Variants in ITGB1 observed in about 807,000 individuals in gnomAD.
ITGB1 encodes integrin beta-1.
Under a neutral mutation model 86.5 loss-of-function variants are expected in ITGB1, and 24 were observed. That is an observed-to-expected ratio of 0.28 (90% CI 0.20 to 0.39). ITGB1 has a LOEUF of 0.39. ITGB1 is among the 10% of genes least tolerant of loss of function. The pLI is 1.00. For missense variants in ITGB1, 556 were observed against 946.9 expected, an observed-to-expected ratio of 0.59 and a Z score of 5.42; for synonymous variants, 323 against 316.8, an observed-to-expected ratio of 1.02 and a Z score of -0.21.
chr10:32,916,665 C>T (rs1251236728), intron 11 of ITGB1, among the ~76,000 whole-genome samples: 1 of 152,154 alleles, frequency 6.6e-6, no homozygotes, highest in African/African-American at 2.4e-5. Flanking sequence ...AGAAGAACTA[C>T]AAACCACTGC....
chr10:32,915,461 A>T (rs2094928581), intron 11 of ITGB1, among the ~76,000 whole-genome samples: 1 of 152,248 alleles, frequency 6.6e-6, no homozygotes, highest in Admixed American at 6.5e-5. Flanking sequence ...AATAGATGCA[A>T]TAAAAAATGA....
At chr10:32,910,182 A>T (rs1427339416) in intron 14 of ITGB1, 41 bp downstream of exon 14, 2 of 1,440,470 alleles carry the variant, frequency 1.4e-6, no homozygotes, top group Admixed American at 1.7e-5. Context: ...AACAAGACAT[A>T]CAAGATATGA....
chr10:32,911,333 G>C, intron 13 of ITGB1, 115 bp downstream of exon 13: 1 of 839,846 alleles, frequency 1.2e-6, no homozygotes, highest in Non-Finnish European at 1.9e-6. Flanking sequence ...CACATGGCAG[G>C]CATTTTATTT....
chr10:32,950,545 G>A (rs558654838), intron 1 of ITGB1, among the ~76,000 whole-genome samples: 5 of 151,878 alleles, frequency 3.3e-5, no homozygotes, highest in African/African-American at 9.7e-5. Flanking sequence ...ACAAAACTTC[G>A]CAGAAAGAAT....
chr10:32,926,083 C>A lies in ITGB1; in HGVS notation c.574G>T (p.Val192Leu), dbSNP rs748177484. Residue 192 changes from valine to leucine, a missense_variant, in exon 6 of 16, where the codon GTG (valine) becomes TTG (leucine). By Grantham distance (32) the Val-to-Leu change is conservative. Transcript: ENST00000302278. ...GGTGTTGTGCTAATGTAAGGCATCACAGTCTTTTCCACAAATGAGCCAAAT... is the reference window on the plus strand; with the variant it reads ...GGTGTTGTGCTAATGTAAGGCATCAAAGTCTTTTCCACAAATGAGCCAAAT... The part of the protein sequence containing the change: ...IGFGSFVEKT[V>L]MPYISTTPAK... The A allele has an allele frequency of 2.5e-6, 4 of 1,613,946 alleles. No homozygotes were observed. In the East Asian group the frequency reaches 8.9e-5, roughly 36 times the overall value.
At chr10:32,917,878 T>C (rs558029952) in intron 11 of ITGB1, among the ~76,000 whole-genome samples, 50 of 152,308 alleles carry the variant, frequency 3.3e-4, no homozygotes, top group African/African-American at 1.1e-3. Flanking sequence ...CATGCTGCTA[T>C]AAAGACACGT....
chr10:32,943,503 G>A (rs1421580031), intron 1 of ITGB1, among the ~76,000 whole-genome samples: 1 of 151,728 alleles, frequency 6.6e-6, no homozygotes, highest in Non-Finnish European at 1.5e-5. Flanking sequence ...GGGCAAAGAA[G>A]GTGCAGTGCT....
In ITGB1 at chr10:32,928,200, G is replaced by A. The variant is rs2094971480; in HGVS notation, c.441C>T (p.Tyr147=). 9.2e-7 allele frequency: 1 copy of A among 1,092,220 alleles called. No homozygotes were observed. Among genetic ancestry groups the A allele is most frequent in the Middle Eastern group, 2.0e-4 (1 of 5,100 alleles). 67.7% of individuals were successfully genotyped at this position (1,092,220 alleles called of 1,614,324 possible). ...RAEDYPIDLY[Y]LMDLSYSMKD... ...TCATTGAGTAAGACAGGTCCATAAG[G>A]TAGTAGAGGTCAATGGGATAGTCTT... The change falls in exon 5 of 16, where the codon TAC becomes TAT. Residue 147 remains tyrosine (Y), a synonymous_variant. Coordinates refer to ENST00000302278, the MANE Select transcript of ITGB1 (RefSeq NM_002211.4).
At position 32,910,301 on chromosome 10, in the gene ITGB1, C is replaced by T. The variant is rs1490352943; in HGVS notation, c.2086G>A (p.Val696Ile). The change falls in exon 14 of 16, where the codon GTT (valine) becomes ATT (isoleucine). Residue 696 changes from valine (V) to isoleucine (I), a missense_variant. Val to Ile is a conservative substitution (Grantham distance 29, BLOSUM62 3). Around this residue, in one of 4 missense-constraint regions of ITGB1, gnomAD observed 330 missense variants for 531.5 expected, o/e 0.62. Transcript: ENST00000302278. Reference protein sequence around the residue: ...DPVSHCKEKDVDDCWFYFTYS... With the variant: ...DPVSHCKEKDIDDCWFYFTYS... ...GTAAAATAGAACCAACAGTCGTCAA[C>T]ATCCTTCTCCTTACAATGGGACACA... 2.5e-6 allele frequency: 4 copies of T among 1,605,580 alleles called. No homozygotes were observed. The highest frequency in any genetic ancestry group is 2.6e-6 in the Non-Finnish European group (3 of 1,173,474).
chr10:32,904,443 T>C (rs1018744050), intron 15 of ITGB1, among the ~76,000 whole-genome samples: 8 of 152,154 alleles, frequency 5.3e-5, no homozygotes, highest in African/African-American at 1.9e-4. Context: ...GTGTGGGAGA[T>C]TTGGGAGCCA....
chr10:32,945,471 C>T (rs557526504), intron 1 of ITGB1, among the ~76,000 whole-genome samples: 98 of 151,960 alleles, frequency 6.4e-4, no homozygotes, highest in South Asian at 2.1e-4. Context: ...TGGTGGCAGG[C>T]GCCTGTAGTC....
At chr10:32,935,710 G>T in intron 1 of ITGB1, 152 bp from the exon 2 acceptor site, 1 of 589,020 alleles carries the variant, frequency 1.7e-6, no homozygotes. Flanking sequence ...ACAGACCCTC[G>T]CCCATCTCCC....
At chr10:32,933,590 AAC>A (rs1470633560) in intron 2 of ITGB1, 2 of 152,200 alleles carry the variant, frequency 1.3e-5, no homozygotes, top group African/African-American at 4.8e-5. Context: ...AAATCTGGAA[AAC>A]ACACAAGAGC....
chr10:32,909,563 GACA>G, intron 14 of ITGB1, among the ~76,000 whole-genome samples: 1 of 152,248 alleles, frequency 6.6e-6, no homozygotes, highest in East Asian at 1.9e-4. Context: ...CAGGCTGGGA[GACA>G]ATATTTGCAA....
chr10:32,919,590 T>C (rs1022996924), intron 11 of ITGB1, among the ~76,000 whole-genome samples: 3 of 152,174 alleles, frequency 2.0e-5, no homozygotes, highest in Non-Finnish European at 4.4e-5. Context: ...TTCTAGAAAA[T>C]TGATTGCTCT....
intron 1 of ITGB1, among the ~76,000 whole-genome samples, chr10:32,937,760 T>C (rs959300037): frequency 1.3e-5 from 2 of 152,296 alleles, no homozygotes; most frequent in Non-Finnish European, 2.9e-5. Flanking sequence ...TTTAAACTGT[T>C]AGGGTCTTCT....
At chr10:32,952,953 G>GT (rs1189180432) in intron 1 of ITGB1, among the ~76,000 whole-genome samples, 1 of 152,178 alleles carries the variant, frequency 6.6e-6, no homozygotes, top group African/African-American at 2.4e-5. Flanking sequence ...CATCAGGCTA[G>GT]TATTGGAGGG....
At position 32,912,120 on chromosome 10, in the gene ITGB1, T is replaced by G. The variant is rs758287253; in HGVS notation, c.1474A>C (p.Asn492His). The change falls in exon 12 of 16, where the codon AAT becomes CAT. Residue 492 changes from asparagine to histidine, a missense_variant. Coordinates refer to ENST00000302278, the MANE Select transcript of ITGB1 (RefSeq NM_002211.4). ...CAATGTCTACCAACACGCCCTTCAT[T>G]GCACCTGAAGAAACATGCCAAAATT... is the stretch of plus-strand genomic sequence containing the variant. The part of the protein sequence containing the change: ...GTFECGACRC[N>H]EGRVGRHCEC... 1 of 1,609,932 alleles carries G rather than the reference T, an allele frequency of 6.2e-7. No individual in the cohort carries two copies. Among genetic ancestry groups the G allele is most frequent in the African/African-American group, 1.3e-5 (1 of 74,808 alleles).
intron 11 of ITGB1, among the ~76,000 whole-genome samples, chr10:32,916,365 C>A (rs2094931466): frequency 1.3e-5 from 2 of 152,110 alleles, no homozygotes; most frequent in South Asian, 4.2e-4. Flanking sequence ...CAAAGGGAAG[C>A]CCATCAGTTA....
Sources: gnomAD v4.1 joint callset for allele counts (sites outside exome capture counted in the v4.1 genomes callset) on GRCh38, gnomAD v4.1.1 for gene constraint, gnomAD v4.1.1 regional missense constraint, MANE v1.5 for transcripts, NCBI Gene and HGNC (gene_info 2026-07-23, HGNC 2026-07-21) for gene names.